Variants in PDE4D observed in about 807,000 individuals in gnomAD.
The protein encoded by PDE4D is phosphodiesterase 4D.
A neutral mutation model predicts 87.4 loss-of-function variants in PDE4D; 24 were observed. The observed-to-expected ratio is 0.27, with a 90% CI of 0.20 to 0.39. The LOEUF is 0.39. PDE4D is among the 10% of genes least tolerant of loss of function. The pLI is 1.00. For synonymous variants in PDE4D, 384 were observed against 383.2 expected (o/e 1.00, Z -0.02); for missense variants, 714 against 1,041.0 (o/e 0.69, Z 4.32).
At chr5:59,893,789 GA>G, upstream of PDE4D, 1 of 1,333,636 alleles carries the variant, frequency 7.5e-7, no homozygotes, top group Non-Finnish European at 9.5e-7. Context: ...GGGCTACCGA[GA>G]GGGGGCCCTG....
intron 1 of PDE4D, among the ~76,000 whole-genome samples, chr5:60,216,463 G>A (rs1369089332): frequency 6.6e-6 from 1 of 152,038 alleles, no homozygotes; most frequent in African/African-American, 2.4e-5. Context: ...TACTTTAAAT[G>A]TAAATGGATT....
At chr5:59,534,699 CA>C (rs1814834988) in intron 1 of PDE4D, among the ~76,000 whole-genome samples, 1 of 152,148 alleles carries the variant, frequency 6.6e-6, no homozygotes, top group Admixed American at 6.5e-5. Flanking sequence ...TATTGGTAGG[CA>C]ATGGAGAGCC....
intron 2 of PDE4D, among the ~76,000 whole-genome samples, chr5:60,115,138 G>C (rs1023516770): frequency 1.3e-5 from 2 of 152,070 alleles, no homozygotes; most frequent in African/African-American, 4.8e-5. Flanking sequence ...CCAGTGTACT[G>C]ACAGAATGTG....
At chr5:59,168,805 A>C (rs1254148564) in intron 5 of PDE4D, among the ~76,000 whole-genome samples, 1 of 152,154 alleles carries the variant, frequency 6.6e-6, no homozygotes, top group Non-Finnish European at 1.5e-5. Context: ...ATTTTAGGAG[A>C]GGACTTGACA....
At chr5:59,907,121 C>T (rs778257353) in intron 3 of PDE4D, among the ~76,000 whole-genome samples, 16 of 152,094 alleles carry the variant, frequency 1.1e-4, no homozygotes, top group Non-Finnish European at 1.9e-4. Context: ...AGCAAACTAA[C>T]GCAGGAACAG....
intron 1 of PDE4D, among the ~76,000 whole-genome samples, chr5:59,847,390 C>G (rs1026148041): frequency 6.6e-5 from 10 of 151,990 alleles, no homozygotes; most frequent in African/African-American, 2.4e-4. Context: ...CAACCTCATT[C>G]TTCAGGCTGG....
chr5:60,454,760 A>G (rs899752792), intron 1 of PDE4D, among the ~76,000 whole-genome samples: 1 of 152,182 alleles, frequency 6.6e-6, no homozygotes, highest in African/African-American at 2.4e-5. Context: ...ACATTTACCT[A>G]TGTAACAAAC....
intron 5 of PDE4D, among the ~76,000 whole-genome samples, chr5:59,138,789 TG>T (rs989519517): frequency 6.6e-6 from 1 of 152,218 alleles, no homozygotes; most frequent in African/African-American, 2.4e-5. Context: ...TTACATTTTC[TG>T]GGGTTTCATA....
intron 1 of PDE4D, among the ~76,000 whole-genome samples, chr5:60,424,493 T>C (rs1362273693): frequency 6.6e-6 from 1 of 152,190 alleles, no homozygotes; most frequent in African/African-American, 2.4e-5. Context: ...CCCTTCATGC[T>C]AAAAACTCTC....
chr5:59,180,066 CT>C (rs1051287756), intron 5 of PDE4D, among the ~76,000 whole-genome samples: 1 of 152,094 alleles, frequency 6.6e-6, no homozygotes, highest in African/African-American at 2.4e-5. Context: ...TCTCATTGAA[CT>C]TTTTCTGCAT....
intron 1 of PDE4D, among the ~76,000 whole-genome samples, chr5:59,273,851 G>A (rs1430328595): frequency 6.6e-6 from 1 of 152,066 alleles, no homozygotes; most frequent in Non-Finnish European, 1.5e-5. Context: ...TCTCAGAGAG[G>A]TAAAGGGTGT....
chr5:59,825,703 T>C (rs1770240450), intron 1 of PDE4D, among the ~76,000 whole-genome samples: 1 of 152,126 alleles, frequency 6.6e-6, no homozygotes, highest in Admixed American at 6.6e-5. Flanking sequence ...GGCTAAAGCT[T>C]ATTGTGCCTT....
intron 1 of PDE4D, among the ~76,000 whole-genome samples, chr5:60,493,989 CAT>C (rs1433424215): frequency 6.6e-6 from 1 of 152,064 alleles, no homozygotes; most frequent in Non-Finnish European, 1.5e-5. Flanking sequence ...AAAATTGAAA[CAT>C]AGGGTACTTT....
intron 1 of PDE4D, among the ~76,000 whole-genome samples, chr5:59,400,561 C>T (rs1377970675): frequency 7.9e-6 from 1 of 127,014 alleles, no homozygotes; most frequent in African/African-American, 3.1e-5. Flanking sequence ...GGAAGGGGAA[C>T]ATCACACTCT....
chr5:59,456,117 T>C (rs1799889901), intron 1 of PDE4D, among the ~76,000 whole-genome samples: 1 of 152,124 alleles, frequency 6.6e-6, no homozygotes, highest in African/African-American at 2.4e-5. Context: ...GGAGGCATGA[T>C]TGGTTTTGAA....
chr5:59,649,617 G>C (rs531476276), intron 1 of PDE4D, among the ~76,000 whole-genome samples: 1 of 151,926 alleles, frequency 6.6e-6, no homozygotes, highest in African/African-American at 2.4e-5. Context: ...AAAAAGACAA[G>C]GATGGATAGA....
intron 3 of PDE4D, among the ~76,000 whole-genome samples, chr5:59,903,447 C>G (rs1417680997): frequency 6.6e-6 from 1 of 151,970 alleles, no homozygotes; most frequent in Non-Finnish European, 1.5e-5. Context: ...AGGCACTCGT[C>G]TAATGTTTAG....
chr5:60,378,747 G>C (rs368250490), intron 1 of PDE4D, among the ~76,000 whole-genome samples: 1 of 152,074 alleles, frequency 6.6e-6, no homozygotes, highest in South Asian at 2.1e-4. Context: ...CAGCTACTCA[G>C]GAGGCTGAGG....
chr5:60,047,850 G>T (rs1442214738), intron 2 of PDE4D, among the ~76,000 whole-genome samples: 4 of 152,022 alleles, frequency 2.6e-5, no homozygotes, highest in Non-Finnish European at 5.9e-5. Context: ...TGTTGATTTG[G>T]GGTGGAGAGT....
Sources: gnomAD v4.1 joint callset for allele counts (sites outside exome capture counted in the v4.1 genomes callset) on GRCh38, gnomAD v4.1.1 for gene constraint, MANE v1.5 for transcripts, NCBI Gene and HGNC (gene_info 2026-07-23, HGNC 2026-07-21) for gene names.